HBS1L: variants seen among roughly 807,000 people sequenced by gnomAD.
The protein encoded by HBS1L is HBS1-like protein.
A neutral mutation model predicts 88.9 loss-of-function variants in HBS1L; 55 were observed. The ratio of observed to expected loss-of-function variants is 0.62; its 90% CI spans 0.50 to 0.77. HBS1L has a LOEUF of 0.77. HBS1L is among the 30% of genes least tolerant of loss of function. The probability of loss-of-function intolerance (pLI) is 0.00; values close to 1 mark genes in which losing one functional copy is unlikely to be tolerated. For missense variants in HBS1L, 741 were observed against 829.3 expected (o/e 0.89, Z 1.31); for synonymous variants, 267 against 288.5 (o/e 0.93, Z 0.76).
intron 2 of HBS1L, among the ~76,000 whole-genome samples, chr6:135,044,224 C>T (rs1224379322): frequency 6.6e-6 from 1 of 152,152 alleles, no homozygotes; most frequent in East Asian, 1.9e-4. Context: ...ATTAATGTAT[C>T]TTTTCAAATG....
In HBS1L at chr6:134,986,802, C is replaced by T. The variant is rs1774991336; in HGVS notation, c.1239G>A (p.Trp413Ter). The T allele has an allele frequency of 6.5e-7, 1 of 1,540,908 alleles. No homozygotes were observed. Among genetic ancestry groups the T allele is most frequent in the South Asian group, 1.3e-5 (1 of 78,858 alleles). The part of the protein sequence containing the change: ...VAVNKMDQVN[W>*]QQERFQEITG... The stretch of plus-strand genomic sequence containing the variant: ...TAATCTCTTGAAACCTTTCTTGTTG[C>T]CAATTAACCTGATAAAGATCCAATT... Residue 413 changes from tryptophan (W) to a stop codon, truncating the protein, a stop_gained, in exon 10 of 18, where the codon TGG (tryptophan) becomes TGA (stop). Coordinates refer to ENST00000367837, the MANE Select transcript of HBS1L (RefSeq NM_006620.4). LOFTEE classifies it high-confidence loss of function.
intron 4 of HBS1L, among the ~76,000 whole-genome samples, chr6:135,012,662 C>T (rs541061680): frequency 1.3e-5 from 2 of 152,272 alleles, no homozygotes; most frequent in African/African-American, 4.8e-5. Context: ...CCACCTCTTC[C>T]TTGCAAACTC....
chr6:135,049,839 C>T (rs900724748), intron 2 of HBS1L, among the ~76,000 whole-genome samples: 79 of 152,086 alleles, frequency 5.2e-4, no homozygotes, highest in African/African-American at 1.8e-3. Flanking sequence ...CCCAGAGTGC[C>T]GGGATTACAG....
chr6:134,966,621 A>G (rs1774324398), intron 16 of HBS1L, 148 bp from the exon 17 acceptor site: 1 of 550,790 alleles, frequency 1.8e-6, no homozygotes, highest in East Asian at 3.0e-5. Flanking sequence ...ATGAAAATAT[A>G]TGTCTTTGGA....
At chr6:134,979,690 T>G (rs1774764645) in intron 13 of HBS1L, among the ~76,000 whole-genome samples, 1 of 151,850 alleles carries the variant, frequency 6.6e-6, no homozygotes, top group Non-Finnish European at 1.5e-5. Context: ...TCTTCTCGAG[T>G]TTTGCTTTTA....
rs1775015756 is a variant in HBS1L, at chr6:134,987,650, C to T, written c.1225G>A (p.Asp409Asn). Residue 409 changes from aspartate (D) to asparagine (N), a missense_variant, in exon 9 of 18, where the codon GAT becomes AAT. By Grantham distance (23) the Asp-to-Asn change is conservative (BLOSUM62 1). This residue lies in a region of HBS1L where 556 missense variants were observed against 598.4 expected (regional missense o/e 0.93). Coordinates refer to ENST00000367837, the MANE Select transcript of HBS1L (RefSeq NM_006620.4). Reference protein sequence around the residue: ...TQLAVAVNKMDQVNWQQERFQ... With the variant: ...TQLAVAVNKMNQVNWQQERFQ... ...TCCACAAAGCCCTTAAATACCTGATCCATTTTATTAACTGCAACTGCAAGC... is the reference window on the plus strand; with the variant it reads ...TCCACAAAGCCCTTAAATACCTGATTCATTTTATTAACTGCAACTGCAAGC... 1 of 1,598,016 alleles carries T rather than the reference C, an allele frequency of 6.3e-7. No homozygotes were observed. The highest frequency in any genetic ancestry group is 1.4e-5 in the African/African-American group (1 of 74,032).
At chr6:135,000,807 T>A (rs1775432414) in intron 5 of HBS1L, among the ~76,000 whole-genome samples, 1 of 152,116 alleles carries the variant, frequency 6.6e-6, no homozygotes, top group Non-Finnish European at 1.5e-5. Flanking sequence ...CCCAGCCGTA[T>A]CCTTTTTAAA....
intron 16 of HBS1L, among the ~76,000 whole-genome samples, chr6:134,967,578 C>T (rs56164974): frequency 0.32 from 48,068 of 152,014 alleles, 7,967 homozygotes; most frequent in Non-Finnish European, 0.37. Flanking sequence ...AACACAAACA[C>T]GAGAATATGT....
At chr6:135,052,538 C>G (rs752090644) in intron 1 of HBS1L, among the ~76,000 whole-genome samples, 19 of 150,282 alleles carry the variant, frequency 1.3e-4, no homozygotes, top group Admixed American at 6.0e-4. Flanking sequence ...TGCCACTGCA[C>G]TCGCACTCCA....
At chr6:135,028,881 A>C (rs1304508420) in intron 4 of HBS1L, among the ~76,000 whole-genome samples, 2 of 152,104 alleles carry the variant, frequency 1.3e-5, no homozygotes, top group African/African-American at 2.4e-5. Flanking sequence ...TTCTTTTTTT[A>C]GTAACAAGAC....
chr6:135,007,865 A>C (rs1402176624), intron 4 of HBS1L, among the ~76,000 whole-genome samples: 1 of 152,212 alleles, frequency 6.6e-6, no homozygotes, highest in Non-Finnish European at 1.5e-5. Flanking sequence ...GACAGTAAGA[A>C]ATAAGTACTG....
At chr6:135,049,959 G>C (rs1195241300) in intron 2 of HBS1L, among the ~76,000 whole-genome samples, 1 of 152,244 alleles carries the variant, frequency 6.6e-6, no homozygotes, top group Admixed American at 6.5e-5. Context: ...AGAGAAATAA[G>C]TGACAGGAGG....
In HBS1L at chr6:135,038,105, C is replaced by T. The variant is rs1011256848; in HGVS notation, c.430+1468G>A. 2.6e-6 allele frequency: 3 copies of T among 1,142,364 alleles called. No homozygotes were observed. The South Asian group carries it at 5.5e-5, about 21-fold the overall frequency. The allele number at this position is 1,142,364 out of a possible 1,614,324, so 70.8% of individuals were successfully genotyped here. On this transcript the variant is annotated intron_variant, in intron 4 of 17. Transcript: ENST00000367837. Reference sequence around the variant, plus strand: ...GACAGTCACAGCAACCAAAAGGAAACATGAAATGAGGCATTTAATTACTAA... The same window carrying T: ...GACAGTCACAGCAACCAAAAGGAAATATGAAATGAGGCATTTAATTACTAA...
At chr6:135,001,779 A>C (rs1056198457) in intron 5 of HBS1L, among the ~76,000 whole-genome samples, 1 of 152,144 alleles carries the variant, frequency 6.6e-6, no homozygotes, top group Non-Finnish European at 1.5e-5. Flanking sequence ...TAGTGAATAA[A>C]GTCTTGTTTC....
Position 135,039,709 on chromosome 6 carries a change from A to C in HBS1L, c.294T>G (p.Asp98Glu), listed in dbSNP as rs770514246. 4 of 1,614,046 alleles carry C rather than the reference A, an allele frequency of 2.5e-6. No homozygotes were observed. The South Asian group carries it at 3.3e-5, about 13-fold the overall frequency. The change falls in exon 4 of 18, where the codon GAT becomes GAG. Residue 98 changes from aspartate to glutamate, a missense_variant. Asp to Glu is a conservative substitution (Grantham distance 45). Coordinates refer to ENST00000367837, the MANE Select transcript of HBS1L (RefSeq NM_006620.4). Reference sequence around the variant, plus strand: ...TCAGAACTGCTTCAATTAATATTTCATCTGGCACAGCATCTCCAAGTACCT... The same window carrying C: ...TCAGAACTGCTTCAATTAATATTTCCTCTGGCACAGCATCTCCAAGTACCT... ...MREVLGDAVP[D>E]EILIEAVLKN...
intron 4 of HBS1L, among the ~76,000 whole-genome samples, chr6:135,032,304 T>G (rs945064230): frequency 6.6e-6 from 1 of 151,062 alleles, no homozygotes; most frequent in Non-Finnish European, 1.5e-5. Context: ...AGAATTTTAA[T>G]TTCTTTCAAT....
rs1774171190 is a variant in HBS1L at position 134,960,912 on chromosome 6, TTTTA to T, written c.*4363_*4366del. On this transcript the variant is annotated 3_prime_UTR_variant, in exon 18 of 18. Coordinates refer to ENST00000367837, the MANE Select transcript of HBS1L (RefSeq NM_006620.4). ...TGCCCTTTCTTCTTTAAATCTATGG[TTTTA>T]TTTATTTACAAAATAGGAATATTTT... 1.3e-5 allele frequency: 2 copies of T among 152,206 alleles called. No individual in the cohort carries two copies. Among genetic ancestry groups the T allele is most frequent in the East Asian group, 1.9e-4 (1 of 5,208 alleles). The allele number at this position is 152,206 out of a possible 1,614,324, so 9.4% of individuals were successfully genotyped here. A position where few individuals can be genotyped will look rare whatever the true frequency, so the allele number is the denominator to read the frequency against.
At chr6:135,042,957 C>T (rs1776791689) in intron 2 of HBS1L, among the ~76,000 whole-genome samples, 1 of 152,174 alleles carries the variant, frequency 6.6e-6, no homozygotes, top group Non-Finnish European at 1.5e-5. Flanking sequence ...TATACACTGA[C>T]ACTGTAAACT....
At chr6:135,029,615 A>G (rs779685225) in intron 4 of HBS1L, among the ~76,000 whole-genome samples, 1 of 152,148 alleles carries the variant, frequency 6.6e-6, no homozygotes, top group African/African-American at 2.4e-5. Flanking sequence ...AGGGAAATCA[A>G]TTTCTATTAA....
Sources: allele counts gnomAD v4.1 joint callset (sites outside exome capture counted in the v4.1 genomes callset), GRCh38; gene constraint gnomAD v4.1.1; regional missense constraint gnomAD v4.1.1; transcripts MANE v1.5; gene names NCBI Gene and HGNC (gene_info 2026-07-23, HGNC 2026-07-21).